PCDHGA9: variants seen among roughly 807,000 people sequenced by gnomAD.
PCDHGA9 encodes the protein protocadherin gamma subfamily A, 9, also known as protocadherin gamma-A9.
A neutral mutation model predicts 62.5 loss-of-function variants in PCDHGA9; 37 were observed. The ratio of observed to expected loss-of-function variants is 0.59; its 90% CI spans 0.46 to 0.78. The LOEUF is 0.78. Among genes scored for constraint, PCDHGA9 ranks in the 30% least tolerant of loss-of-function variants. The probability of loss-of-function intolerance (pLI) is 0.00; values close to 1 mark genes in which losing one functional copy is unlikely to be tolerated. For missense variants in PCDHGA9, 1,138 were observed against 1,166.2 expected, an observed-to-expected ratio of 0.98 and a Z score of 0.35; for synonymous variants, 459 against 484.6, an observed-to-expected ratio of 0.95 and a Z score of 0.69.
rs1342473418 is a variant in PCDHGA9, at chr5:141,477,702, A to G, written c.2425-17105A>G. On this transcript the variant is annotated intron_variant, in intron 1 of 3. Transcript: ENST00000573521. The surrounding 1 kb of genome is among the most constrained non-coding windows in gnomAD (Gnocchi z 4.9). Reference sequence around the variant, plus strand: ...TCCTTAGTGCCCCTAGACTATGAGGATCGGCGGGAATTTGAATTAACAGCT... The same window carrying G: ...TCCTTAGTGCCCCTAGACTATGAGGGTCGGCGGGAATTTGAATTAACAGCT... The G allele has an allele frequency of 1.9e-6, 3 of 1,613,924 alleles. No individual in the cohort carries two copies. Among genetic ancestry groups the G allele is most frequent in the Non-Finnish European group, 2.5e-6 (3 of 1,180,044 alleles).
intron 1 of PCDHGA9, among the ~76,000 whole-genome samples, chr5:141,482,104 AAT>A (rs1452930297): frequency 2.7e-5 from 4 of 150,286 alleles, no homozygotes; most frequent in Non-Finnish European, 5.9e-5. Context: ...AAAAAAAAAA[AAT>A]ATCTAGAGAT....
At position 141,415,393 on chromosome 5, in the gene PCDHGA9, T is replaced by C. The variant is rs574028530; in HGVS notation, c.2424+10017T>C. On this transcript the variant is annotated intron_variant, in intron 1 of 3. Transcript: ENST00000573521. ...TTCAGGAGGCGGCTTGACAGGTGTG[T>C]CCGGCTCGCACTTTGTGGGCGTGGA... 1.1e-5 allele frequency: 17 copies of C among 1,614,190 alleles called. No individual in the cohort carries two copies. In the East Asian group the frequency reaches 2.5e-4, roughly 23 times the overall value.
At chr5:141,414,009 T>C in intron 1 of PCDHGA9, 1 of 1,612,964 alleles carries the variant, frequency 6.2e-7, no homozygotes, top group Middle Eastern at 1.7e-4. Context: ...AAGGTGCCAA[T>C]GGAGAAGTGA....
rs111842066 is a variant in PCDHGA9, at chr5:141,486,269, G to A, written c.2425-8538G>A. 6.2e-7 allele frequency: 1 copy of A among 1,613,996 alleles called. No homozygotes were observed. Reference sequence around the variant, plus strand: ...AACCCTCCCCGAGAGTGCAGAACCTGGCACTGTGGTGGCACTTATCAGTGT... The same window carrying A: ...AACCCTCCCCGAGAGTGCAGAACCTAGCACTGTGGTGGCACTTATCAGTGT... On this transcript the variant is annotated intron_variant, in intron 1 of 3. Transcript: ENST00000573521. This position sits in a 1 kb window ranked among gnomAD's most constrained non-coding sequence, Gnocchi z 5.0.
chr5:141,418,759 C>T (rs527475797), intron 1 of PCDHGA9: 17 of 1,613,898 alleles, frequency 1.1e-5, no homozygotes, highest in Non-Finnish European at 1.4e-5. Flanking sequence ...CTACAGGAAA[C>T]ATTCTAACTC....
rs1306500688 is a variant in PCDHGA9 at position 141,491,142 on chromosome 5, A to T, written c.2425-3665A>T. ...GTGAGGTGCGCACAGCCCGGGCCTTACTGGAGGATGACTCTGACACCCAGC... is the reference window on the plus strand; with the variant it reads ...GTGAGGTGCGCACAGCCCGGGCCTTTCTGGAGGATGACTCTGACACCCAGC... On this transcript the variant is annotated intron_variant, in intron 1 of 3. Coordinates refer to ENST00000573521, the MANE Select transcript of PCDHGA9 (RefSeq NM_018921.3). This position sits in a 1 kb window ranked among gnomAD's most constrained non-coding sequence, Gnocchi z 6.9. 6.2e-7 allele frequency: 1 copy of T among 1,614,090 alleles called. No homozygotes were observed. Among genetic ancestry groups the T allele is most frequent in the Non-Finnish European group, 8.5e-7 (1 of 1,179,976 alleles).
intron 1 of PCDHGA9, chr5:141,411,270 A>G (rs1299052773): frequency 6.6e-6 from 1 of 152,160 alleles, no homozygotes; most frequent in African/African-American, 2.4e-5. Context: ...ATATTTTTAA[A>G]GCCTAAAAAT....
At chr5:141,427,880 C>G in intron 1 of PCDHGA9, 5 of 1,563,170 alleles carry the variant, frequency 3.2e-6, no homozygotes, top group Non-Finnish European at 3.5e-6. Context: ...CGATGCAGGC[C>G]CACGACCAGG....
chr5:141,478,652 G>A (rs188883724), intron 1 of PCDHGA9: 2 of 1,551,970 alleles, frequency 1.3e-6, no homozygotes, highest in East Asian at 2.4e-5. Flanking sequence ...TGTTTTCCTG[G>A]TGATGCATTC....
intron 1 of PCDHGA9, among the ~76,000 whole-genome samples, chr5:141,454,062 A>T (rs548960162): frequency 6.6e-6 from 1 of 152,380 alleles, no homozygotes; most frequent in East Asian, 1.9e-4. Context: ...CAAAGAAACA[A>T]AAGTGATAAT....
intron 1 of PCDHGA9, chr5:141,417,045 A>G (rs890407837): frequency 7.2e-5 from 11 of 152,144 alleles, no homozygotes; most frequent in Admixed American, 1.3e-4. Context: ...TTTTAAAAAA[A>G]ACTGCTCTTG....
Position 141,432,846 on chromosome 5 carries a change from C to T in PCDHGA9, c.2424+27470C>T, listed in dbSNP as rs1312403897. ...GACCTCACTCTGTACCTGGTGGTAGCGGTGGCCGCGGTCTCCTGCGTCTTC... is the reference window on the plus strand; with the variant it reads ...GACCTCACTCTGTACCTGGTGGTAGTGGTGGCCGCGGTCTCCTGCGTCTTC... On this transcript the variant is annotated intron_variant, in intron 1 of 3. Transcript: ENST00000573521. The surrounding 1 kb of genome is among the most constrained non-coding windows in gnomAD (Gnocchi z 6.0). 2.5e-6 allele frequency: 4 copies of T among 1,614,192 alleles called. No homozygotes were observed. The African/African-American group carries it at 5.3e-5, about 22-fold the overall frequency.
In PCDHGA9 at chr5:141,477,101, G is replaced by A. The variant is rs770640663; in HGVS notation, c.2425-17706G>A. On this transcript the variant is annotated intron_variant, in intron 1 of 3. Transcript: ENST00000573521. The surrounding 1 kb of genome is among the most constrained non-coding windows in gnomAD (Gnocchi z 4.9). ...TTACATCCAGGCCAAAGACAAGGGC[G>A]CCAATCCCGAAGGAGCACATTGCAA... 2 of 1,614,262 alleles carry A rather than the reference G, an allele frequency of 1.2e-6. No individual in the cohort carries two copies. Among genetic ancestry groups the A allele is most frequent in the East Asian group, 2.2e-5 (1 of 44,884 alleles).
intron 1 of PCDHGA9, 37 bp downstream of exon 1, chr5:141,405,413 T>C: frequency 6.4e-7 from 1 of 1,561,606 alleles, no homozygotes; most frequent in South Asian, 1.2e-5. Context: ...TTTTCTTTTT[T>C]TGTTTTTTGT....
intron 1 of PCDHGA9, among the ~76,000 whole-genome samples, chr5:141,406,473 T>A (rs2094813817): frequency 6.6e-6 from 1 of 152,248 alleles, no homozygotes; most frequent in African/African-American, 2.4e-5. Context: ...CTCTTTGAGG[T>A]TATATTTTTC....
rs1248867280 is a variant in PCDHGA9 at position 141,511,325 on chromosome 5, C to T, written c.*152C>T. 18 of 1,466,406 alleles carry T rather than the reference C, an allele frequency of 1.2e-5. No homozygotes were observed. Among genetic ancestry groups the T allele is most frequent in the Non-Finnish European group, 1.5e-5 (17 of 1,099,872 alleles). 90.8% of individuals were successfully genotyped at this position (1,466,406 alleles called of 1,614,324 possible). A position where few individuals can be genotyped will look rare whatever the true frequency, so the allele number is the denominator to read the frequency against. On this transcript the variant is annotated 3_prime_UTR_variant, in exon 4 of 4. Coordinates refer to ENST00000573521, the MANE Select transcript of PCDHGA9 (RefSeq NM_018921.3). ...TCCCCTTGGGAAACAGAAACAAGTG[C>T]CCAGTCAGCACCTACCCCTTCCCCC...
rs776293224 is a variant in PCDHGA9, at chr5:141,477,889, A to G, written c.2425-16918A>G. Reference sequence around the variant, plus strand: ...GTACCTCAGCTGGCCACCTAGTGTCACGGGTGGTAGGCTGGGACGCGGATG... The same window carrying G: ...GTACCTCAGCTGGCCACCTAGTGTCGCGGGTGGTAGGCTGGGACGCGGATG... On this transcript the variant is annotated intron_variant, in intron 1 of 3. Coordinates refer to ENST00000573521, the MANE Select transcript of PCDHGA9 (RefSeq NM_018921.3). This position sits in a 1 kb window ranked among gnomAD's most constrained non-coding sequence, Gnocchi z 4.9. The G allele has an allele frequency of 1.8e-5, 29 of 1,614,034 alleles. No individual in the cohort carries two copies. Among genetic ancestry groups the G allele is most frequent in the Non-Finnish European group, 2.5e-5 (29 of 1,180,026 alleles).
rs1193417991 is a variant in PCDHGA9 at position 141,491,413 on chromosome 5, G to T, written c.2425-3394G>T. The T allele has an allele frequency of 6.2e-7, 1 of 1,614,064 alleles. No individual in the cohort carries two copies. Among genetic ancestry groups the T allele is most frequent in the South Asian group, 1.1e-5 (1 of 91,074 alleles). ...CCTTCAGGGAAACGCAGACGGGGAC[G>T]GGGGTGGAGGGCAGTGCTGCAGGCG... On this transcript the variant is annotated intron_variant, in intron 1 of 3. Transcript: ENST00000573521. This position sits in a 1 kb window ranked among gnomAD's most constrained non-coding sequence, Gnocchi z 6.9.
intron 1 of PCDHGA9, among the ~76,000 whole-genome samples, chr5:141,405,781 A>G (rs913529807): frequency 2.6e-5 from 4 of 151,674 alleles, no homozygotes; most frequent in African/African-American, 7.3e-5. Context: ...CCTGGCCCTT[A>G]ACTTTCTATT....
Sources: allele counts gnomAD v4.1 joint callset (sites outside exome capture counted in the v4.1 genomes callset), GRCh38; gene constraint gnomAD v4.1.1; non-coding constraint Gnocchi (gnomAD v3.1); transcripts MANE v1.5; gene names NCBI Gene and HGNC (gene_info 2026-07-23, HGNC 2026-07-21).